DYNC1I1: variants seen among roughly 807,000 people sequenced by gnomAD.
The protein encoded by DYNC1I1 is dynein cytoplasmic 1 intermediate chain 1.
DYNC1I1 carries 43 observed loss-of-function variants against 86.6 expected under a neutral mutation model. That is an observed-to-expected ratio of 0.50 (90% confidence interval 0.39 to 0.64). The LOEUF (loss-of-function observed/expected upper bound fraction) is 0.64. Ranked by LOEUF, DYNC1I1 falls within the 30% of genes least tolerant of loss-of-function variation. The probability of loss-of-function intolerance (pLI) is 0.00; values close to 1 mark genes in which losing one functional copy is unlikely to be tolerated. For missense variants in DYNC1I1, 604 were observed against 788.8 expected (o/e 0.77, Z 2.81); for synonymous variants, 262 against 283.7 (o/e 0.92, Z 0.77).
chr7:95,808,445 C>T (rs1011381274), intron 2 of DYNC1I1, among the ~76,000 whole-genome samples: 11 of 152,080 alleles, frequency 7.2e-5, no homozygotes, highest in Non-Finnish European at 1.5e-4. Flanking sequence ...TGGATGTCAA[C>T]TGCTTTCTTG....
intron 10 of DYNC1I1, among the ~76,000 whole-genome samples, chr7:95,998,866 A>G (rs1793938952): frequency 6.6e-6 from 1 of 152,212 alleles, no homozygotes. Flanking sequence ...CATCAGCTCC[A>G]TGGTGTTTTG....
chr7:95,809,499 G>A (rs1794779412), intron 2 of DYNC1I1, among the ~76,000 whole-genome samples: 1 of 152,138 alleles, frequency 6.6e-6, no homozygotes, highest in African/African-American at 2.4e-5. Flanking sequence ...ATGTTATCAT[G>A]TTTCAGATGT....
chr7:96,011,885 A>G (rs530696362), intron 10 of DYNC1I1, among the ~76,000 whole-genome samples: 1 of 152,346 alleles, frequency 6.6e-6, no homozygotes, highest in South Asian at 2.1e-4. Context: ...TAATTTAAAG[A>G]TAAGACGGGA....
chr7:95,971,652 C>T (rs554765870), intron 6 of DYNC1I1, among the ~76,000 whole-genome samples: 58 of 152,144 alleles, frequency 3.8e-4, no homozygotes, highest in African/African-American at 1.2e-3. Context: ...TAAGCCACAA[C>T]GTATTTGATC....
At chr7:96,021,737 C>T (rs1374260816) in intron 10 of DYNC1I1, among the ~76,000 whole-genome samples, 5 of 152,144 alleles carry the variant, frequency 3.3e-5, no homozygotes, top group African/African-American at 9.7e-5. Context: ...CTATTCTGGA[C>T]ATTTTATGTA....
intron 6 of DYNC1I1, among the ~76,000 whole-genome samples, chr7:95,932,043 A>G (rs1277105059): frequency 6.6e-6 from 1 of 152,198 alleles, no homozygotes. Flanking sequence ...TATATAGTAC[A>G]TATTGCTCAA....
intron 14 of DYNC1I1, among the ~76,000 whole-genome samples, chr7:96,061,743 A>AAC (rs147856984): frequency 0.057 from 7,499 of 131,918 alleles, 258 homozygotes; most frequent in African/African-American, 0.12. Context: ...CACGCACACA[A>AAC]ACACACACAC....
chr7:96,098,699 A>T (rs1194248515), downstream of DYNC1I1, among the ~76,000 whole-genome samples: 1 of 152,234 alleles, frequency 6.6e-6, no homozygotes, highest in African/African-American at 2.4e-5. Context: ...GTTAAGACGA[A>T]CAAATACCAA....
At chr7:96,005,121 A>T (rs1213765879) in intron 10 of DYNC1I1, among the ~76,000 whole-genome samples, 1 of 152,216 alleles carries the variant, frequency 6.6e-6, no homozygotes, top group Non-Finnish European at 1.5e-5. Flanking sequence ...ATATCCAATC[A>T]GTTTGTATGG....
At chr7:95,936,410 C>T (rs1382376345) in intron 6 of DYNC1I1, among the ~76,000 whole-genome samples, 1 of 151,830 alleles carries the variant, frequency 6.6e-6, no homozygotes, top group African/African-American at 2.4e-5. Flanking sequence ...CCTAGAATAT[C>T]CATAGACTGG....
chr7:95,978,397 A>G (rs1050543989), intron 7 of DYNC1I1, among the ~76,000 whole-genome samples: 1 of 152,204 alleles, frequency 6.6e-6, no homozygotes, highest in Non-Finnish European at 1.5e-5. Context: ...GGGACATGAA[A>G]TACTGCAGGT....
chr7:96,046,883 G>T (rs1413492547), intron 14 of DYNC1I1, among the ~76,000 whole-genome samples: 1 of 152,184 alleles, frequency 6.6e-6, no homozygotes, highest in East Asian at 1.9e-4. Context: ...GAAATCAGTG[G>T]TCTGGGCATG....
At chr7:96,029,080 C>T (rs1794749437) in intron 11 of DYNC1I1, among the ~76,000 whole-genome samples, 1 of 152,122 alleles carries the variant, frequency 6.6e-6, no homozygotes, top group Admixed American at 6.6e-5. Flanking sequence ...TTTCAATTTC[C>T]TTAATGTGCT....
intron 1 of DYNC1I1, among the ~76,000 whole-genome samples, chr7:95,794,912 G>A (rs1166060902): frequency 2.6e-5 from 4 of 152,156 alleles, no homozygotes; most frequent in Admixed American, 2.6e-4. Flanking sequence ...TCAACATAAT[G>A]TTTCAACTGT....
intron 16 of DYNC1I1, among the ~76,000 whole-genome samples, chr7:96,090,917 T>C (rs1584315039): frequency 6.6e-6 from 1 of 152,326 alleles, no homozygotes; most frequent in East Asian, 1.9e-4. Flanking sequence ...TCATCCATTG[T>C]TAGCTGCGAT....
At chr7:96,070,554 T>G (rs2116220871) in intron 14 of DYNC1I1, among the ~76,000 whole-genome samples, 1 of 152,322 alleles carries the variant, frequency 6.6e-6, no homozygotes, top group South Asian at 2.1e-4. Flanking sequence ...CCATGAGTTT[T>G]CCTTTTATTT....
intron 1 of DYNC1I1, among the ~76,000 whole-genome samples, chr7:95,803,952 T>G (rs143990095): frequency 3.0e-4 from 46 of 152,282 alleles, no homozygotes; most frequent in African/African-American, 1.1e-3. Flanking sequence ...ACATTAAAAT[T>G]AAATCTTGTT....
intron 6 of DYNC1I1, among the ~76,000 whole-genome samples, chr7:95,971,148 C>T (rs1337340051): frequency 1.3e-5 from 2 of 152,100 alleles, no homozygotes; most frequent in African/African-American, 4.8e-5. Context: ...ATGTCCACTA[C>T]AGAGTCTGGA....
At chr7:95,791,617 T>G (rs933403609) in intron 1 of DYNC1I1, among the ~76,000 whole-genome samples, 59 of 152,350 alleles carry the variant, frequency 3.9e-4, no homozygotes, top group African/African-American at 1.4e-3. Context: ...ACATGATAAT[T>G]TATCCTCAAG....
Sources: allele counts gnomAD v4.1 joint callset (sites outside exome capture counted in the v4.1 genomes callset), GRCh38; gene constraint gnomAD v4.1.1; transcripts MANE v1.5; gene names NCBI Gene and HGNC (gene_info 2026-07-23, HGNC 2026-07-21).